TAFA1: variants seen among roughly 807,000 people sequenced by gnomAD.
TAFA1 encodes chemokine-like protein TAFA-1.
A neutral mutation model predicts 18.5 loss-of-function variants in TAFA1; 4 were observed. The ratio of observed to expected loss-of-function variants is 0.22; its 90% CI spans 0.11 to 0.49. TAFA1 has a LOEUF of 0.49. TAFA1 is among the 20% of genes least tolerant of loss of function. The pLI is 0.98. For missense variants in TAFA1, 147 were observed against 169.0 expected (o/e 0.87, Z 0.72); for synonymous variants, 56 against 55.2 (o/e 1.01, Z -0.06).
At chr3:68,040,760 G>A (rs1177545447) in intron 2 of TAFA1, among the ~76,000 whole-genome samples, 1 of 152,136 alleles carries the variant, frequency 6.6e-6, no homozygotes, top group Admixed American at 6.5e-5. Flanking sequence ...GTTTAAAAAA[G>A]CCCTTCAGGA....
At chr3:68,499,417 C>G (rs2668167) in intron 3 of TAFA1, among the ~76,000 whole-genome samples, 29,393 of 127,884 alleles carry the variant, frequency 0.23, 3,026 homozygotes, top group Middle Eastern at 0.27. Flanking sequence ...TAGCTTGCTT[C>G]TTTGTTTTCT....
chr3:68,310,397 A>G lies in TAFA1; in HGVS notation c.119-106883A>G, dbSNP rs79314418. Reference sequence around the variant, plus strand: ...TTTTTCTGGTGAATTATTGCCATGAATATTTCAGTACTTCAACAAGAGATG... The same window carrying G: ...TTTTTCTGGTGAATTATTGCCATGAGTATTTCAGTACTTCAACAAGAGATG... On this transcript the variant is annotated intron_variant, in intron 2 of 4. Coordinates refer to ENST00000478136, the MANE Select transcript of TAFA1 (RefSeq NM_213609.4). 7.8e-3 allele frequency among the ~76,000 whole-genome samples: 1,195 copies of G among 152,308 alleles called. 51 individuals carry two copies. The East Asian group carries it at 0.13, about 16-fold the overall frequency.
intron 2 of TAFA1, among the ~76,000 whole-genome samples, chr3:68,114,026 T>A (rs2065297000): frequency 6.6e-6 from 1 of 151,048 alleles, no homozygotes; most frequent in African/African-American, 2.4e-5. Flanking sequence ...TGTCTCAGCC[T>A]CCTGAGTAGC....
At chr3:68,082,848 C>A (rs1188903928) in intron 2 of TAFA1, among the ~76,000 whole-genome samples, 1 of 152,138 alleles carries the variant, frequency 6.6e-6, no homozygotes, top group Non-Finnish European at 1.5e-5. Context: ...GGAAGTGGAG[C>A]TTCGGAGCTA....
intron 2 of TAFA1, among the ~76,000 whole-genome samples, chr3:68,090,098 T>C (rs1180020329): frequency 6.6e-6 from 1 of 152,184 alleles, no homozygotes; most frequent in African/African-American, 2.4e-5. Flanking sequence ...GAGCAACTAA[T>C]GTTAGCCAGG....
intron 3 of TAFA1, among the ~76,000 whole-genome samples, chr3:68,501,879 A>T (rs927492230): frequency 1.3e-5 from 2 of 152,212 alleles, no homozygotes; most frequent in Non-Finnish European, 2.9e-5. Flanking sequence ...GACACAGCAT[A>T]GAGACGTGTA....
At chr3:68,495,391 G>A (rs2072527142) in intron 3 of TAFA1, among the ~76,000 whole-genome samples, 1 of 152,040 alleles carries the variant, frequency 6.6e-6, no homozygotes, top group Non-Finnish European at 1.5e-5. Context: ...AAAAACAATT[G>A]GAAGTATTAT....
At position 68,118,274 on chromosome 3, in the gene TAFA1, C is replaced by A. The variant is rs145201225; in HGVS notation, c.118+111530C>A. On this transcript the variant is annotated intron_variant, in intron 2 of 4. Transcript: ENST00000478136. ...TTCTCAAGGAGCACACAACCTAGATCCCTCACATGCGCACTTCATAATAGG... is the reference window on the plus strand; with the variant it reads ...TTCTCAAGGAGCACACAACCTAGATACCTCACATGCGCACTTCATAATAGG... Among the ~76,000 whole-genome samples the A allele has an allele frequency of 6.0e-3, 917 of 152,160 alleles. 10 individuals carry two copies. The highest frequency in any genetic ancestry group is 0.021 in the African/African-American group (869 of 41,494).
Position 68,308,464 on chromosome 3 carries a change from A to G in TAFA1, c.119-108816A>G, listed in dbSNP as rs139817522. ...GTCTATTACCCAGAATAGATGGCTT[A>G]GTAAGTTGATGCCTTTATAACAAAC... On this transcript the variant is annotated intron_variant, in intron 2 of 4. Transcript: ENST00000478136. Among the ~76,000 whole-genome samples the G allele has an allele frequency of 5.5e-3, 841 of 152,306 alleles. 8 individuals carry two copies. Among genetic ancestry groups the G allele is most frequent in the African/African-American group, 0.019 (790 of 41,572 alleles).
At chr3:68,366,931 G>T (rs575398022) in intron 2 of TAFA1, among the ~76,000 whole-genome samples, 1 of 152,266 alleles carries the variant, frequency 6.6e-6, no homozygotes, top group South Asian at 2.1e-4. Flanking sequence ...ATTCTGACCT[G>T]TCAATTGTGA....
intron 2 of TAFA1, among the ~76,000 whole-genome samples, chr3:68,290,264 A>G (rs2068083418): frequency 6.6e-6 from 1 of 152,196 alleles, no homozygotes; most frequent in African/African-American, 2.4e-5. Flanking sequence ...CAAACGTCAC[A>G]CAATACTAGT....
At chr3:68,321,646 GA>G (rs2068698894) in intron 2 of TAFA1, among the ~76,000 whole-genome samples, 1 of 152,122 alleles carries the variant, frequency 6.6e-6, no homozygotes, top group African/African-American at 2.4e-5. Flanking sequence ...TGGCTAACAG[GA>G]AGCCATCATT....
intron 2 of TAFA1, among the ~76,000 whole-genome samples, chr3:68,081,509 G>A (rs1314252558): frequency 3.3e-5 from 5 of 151,920 alleles, no homozygotes; most frequent in African/African-American, 1.2e-4. Flanking sequence ...TGTCCTTTCT[G>A]TTTGTTAGTT....
At chr3:68,071,726 G>C (rs748708566) in intron 2 of TAFA1, among the ~76,000 whole-genome samples, 1 of 152,186 alleles carries the variant, frequency 6.6e-6, no homozygotes, top group Non-Finnish European at 1.5e-5. Flanking sequence ...ATTGGCTCAT[G>C]GTTCTGCAGA....
chr3:68,143,252 C>A (rs927361092), intron 2 of TAFA1, among the ~76,000 whole-genome samples: 1 of 152,130 alleles, frequency 6.6e-6, no homozygotes, highest in Non-Finnish European at 1.5e-5. Flanking sequence ...ATAGTTTCTA[C>A]CCTCATGGCA....
chr3:68,475,014 C>G (rs945903165), intron 3 of TAFA1, among the ~76,000 whole-genome samples: 1 of 151,802 alleles, frequency 6.6e-6, no homozygotes, highest in Non-Finnish European at 1.5e-5. Flanking sequence ...ACTTCTTTAT[C>G]AAAGAAGCTC....
intron 3 of TAFA1, among the ~76,000 whole-genome samples, chr3:68,511,464 G>T (rs2665548): frequency 0.2 from 30,745 of 151,962 alleles, 3,216 homozygotes; most frequent in Middle Eastern, 0.23. Flanking sequence ...AAGGTAACTA[G>T]TTTTCTTATA....
intron 2 of TAFA1, among the ~76,000 whole-genome samples, chr3:68,070,501 T>C (rs1286574134): frequency 6.6e-6 from 1 of 152,234 alleles, no homozygotes; most frequent in East Asian, 1.9e-4. Context: ...TGAAGACCTC[T>C]GACATGCCCT....
At position 68,343,596 on chromosome 3, in the gene TAFA1, A is replaced by T. The variant is rs191672908; in HGVS notation, c.119-73684A>T. Among the ~76,000 whole-genome samples the T allele has an allele frequency of 1.1e-4, 17 of 152,260 alleles. No homozygotes were observed. In the East Asian group the frequency reaches 2.7e-3, roughly 24 times the overall value. On this transcript the variant is annotated intron_variant, in intron 2 of 4. Transcript: ENST00000478136. ...TCACAGAGGTTTGCAGGATATTTTA[A>T]AATTTCTGGGAAAATACAGTGATAC...
Sources: allele counts gnomAD v4.1 joint callset (sites outside exome capture counted in the v4.1 genomes callset), GRCh38; gene constraint gnomAD v4.1.1; transcripts MANE v1.5; gene names NCBI Gene and HGNC (gene_info 2026-07-23, HGNC 2026-07-21).